Variants in CAND2 observed in about 807,000 individuals in gnomAD.
CAND2 encodes cullin associated and neddylation dissociated 2 (putative), also known as cullin-associated NEDD8-dissociated protein 2.
A neutral mutation model predicts 98.9 loss-of-function variants in CAND2; 62 were observed. The ratio of observed to expected loss-of-function variants is 0.63; its 90% CI spans 0.51 to 0.77. The LOEUF is 0.77. CAND2 is among the 30% of genes least tolerant of loss of function. The probability of loss-of-function intolerance (pLI) is 0.00; values close to 1 mark genes in which losing one functional copy is unlikely to be tolerated. For synonymous variants in CAND2, 770 were observed against 731.9 expected, an observed-to-expected ratio of 1.05 and a Z score of -0.84; for missense variants, 1,501 against 1,655.2, an observed-to-expected ratio of 0.91 and a Z score of 1.62.
At chr3:12,801,893 C>G (rs532785873) in intron 1 of CAND2, among the ~76,000 whole-genome samples, 8 of 152,348 alleles carry the variant, frequency 5.3e-5, no homozygotes, top group African/African-American at 1.9e-4. Flanking sequence ...CTGATGCTGG[C>G]TATAGCTGGA....
intron 10 of CAND2, among the ~76,000 whole-genome samples, chr3:12,818,891 G>A (rs1486293418): frequency 6.6e-6 from 1 of 152,136 alleles, no homozygotes; most frequent in Non-Finnish European, 1.5e-5. Context: ...CTTGAGAGAC[G>A]AGAGTGTTAA....
intron 1 of CAND2, among the ~76,000 whole-genome samples, 184 bp from the exon 2 acceptor site, chr3:12,803,304 A>G (rs2061780325): frequency 6.6e-6 from 1 of 152,112 alleles, no homozygotes; most frequent in Non-Finnish European, 1.5e-5. Context: ...CTCCATTATA[A>G]TCTTATGGGA....
chr3:12,808,758 A>G, intron 4 of CAND2, among the ~76,000 whole-genome samples: 1 of 152,136 alleles, frequency 6.6e-6, no homozygotes, highest in Non-Finnish European at 1.5e-5. Flanking sequence ...GTGCTGCTAG[A>G]GCTGAGCCTT....
intron 2 of CAND2, among the ~76,000 whole-genome samples, chr3:12,804,541 T>C (rs560056569): frequency 7.2e-5 from 11 of 152,284 alleles, no homozygotes; most frequent in African/African-American, 2.6e-4. Context: ...TAGATCACTG[T>C]GAGGCTGTGA....
Position 12,817,600 on chromosome 3 carries a change from G to T in CAND2, c.2668G>T (p.Ala890Ser), listed in dbSNP as rs746821713. 6.2e-7 allele frequency: 1 copy of T among 1,613,834 alleles called. No homozygotes were observed. The change falls in exon 10 of 15, where the codon GCT (alanine) becomes TCT (serine). Residue 890 changes from alanine (A) to serine (S), a missense_variant. Ala to Ser is a moderately conservative substitution (Grantham distance 99). Around this residue, in one of 3 missense-constraint regions of CAND2, gnomAD observed 1,427 missense variants for 1,545.3 expected, o/e 0.92. Coordinates refer to ENST00000456430, the MANE Select transcript of CAND2 (RefSeq NM_001162499.2). ...CTCGTATGCACTGGGCCGTGTGGGT[G>T]CTGGCAGCCTGCCCGACTTCCTGCC... ...AASYALGRVG[A>S]GSLPDFLPFL... is the part of the protein sequence containing the mutation.
intron 10 of CAND2, among the ~76,000 whole-genome samples, chr3:12,819,555 C>T (rs975578159): frequency 6.6e-6 from 1 of 152,206 alleles, no homozygotes; most frequent in East Asian, 1.9e-4. Flanking sequence ...GATCCGAGTT[C>T]TGTTAGGCCT....
rs376453132 is a variant in CAND2, at chr3:12,817,731, C to T, written c.2799C>T (p.Tyr933=). Residue 933 remains tyrosine, a synonymous_variant, in exon 10 of 15, where the codon TAC becomes TAT. Coordinates refer to ENST00000456430, the MANE Select transcript of CAND2 (RefSeq NM_001162499.2). The part of the protein sequence containing the change: ...GAAQPDSLKP[Y]AEDIWALLFQ... ...CCCAGCCTGACAGCCTGAAGCCCTA[C>T]GCCGAGGACATCTGGGCCTTGCTGT... The T allele has an allele frequency of 7.6e-6, 12 of 1,587,058 alleles. No homozygotes were observed. The highest frequency in any genetic ancestry group is 2.2e-5 in the East Asian group (1 of 44,678).
intron 10 of CAND2, among the ~76,000 whole-genome samples, chr3:12,818,278 AC>A (rs68094877): frequency 0.017 from 2,644 of 151,554 alleles, 73 homozygotes; most frequent in African/African-American, 0.061. Context: ...AAAAAACAAA[AC>A]AAAAAACCTC....
chr3:12,832,967 G>A lies in CAND2; in HGVS notation c.3484-788G>A, dbSNP rs183790246. On this transcript the variant is annotated intron_variant, in intron 14 of 14. Coordinates refer to ENST00000456430, the MANE Select transcript of CAND2 (RefSeq NM_001162499.2). ...AGAGAAGGGAGTGTGGACTTGTGTC[G>A]TTTAATCCTCTTGGCAACTCTTACG... Among the ~76,000 whole-genome samples the A allele has an allele frequency of 2.4e-4, 37 of 152,318 alleles. No homozygotes were observed. In the Middle Eastern group the frequency reaches 0.017, roughly 70 times the overall value.
chr3:12,824,967 G>A (rs1575779956), intron 11 of CAND2, among the ~76,000 whole-genome samples: 1 of 152,168 alleles, frequency 6.6e-6, no homozygotes. Flanking sequence ...ATCCTGAGAA[G>A]TGCTGGTGAC....
chr3:12,825,506 A>G lies in CAND2; in HGVS notation c.3077A>G (p.Asn1026Ser), dbSNP rs1367860910. Reference protein sequence around the residue: ...FMESLQDPDLNVRRATLAFFN... With the variant: ...FMESLQDPDLSVRRATLAFFN... The stretch of plus-strand genomic sequence containing the variant: ...GAGAGCCTGCAGGACCCAGACCTGA[A>G]CGTGCGCCGTGCGACTCTGGCTTTC... The change falls in exon 12 of 15, where the codon AAC (asparagine) becomes AGC (serine). Residue 1026 changes from asparagine (N) to serine (S), a missense_variant. Around this residue, in one of 3 missense-constraint regions of CAND2, gnomAD observed 1,427 missense variants for 1,545.3 expected, o/e 0.92. Coordinates refer to ENST00000456430, the MANE Select transcript of CAND2 (RefSeq NM_001162499.2). 2 of 1,574,636 alleles carry G rather than the reference A, an allele frequency of 1.3e-6. No individual in the cohort carries two copies. Among genetic ancestry groups the G allele is most frequent in the Non-Finnish European group, 1.7e-6 (2 of 1,159,326 alleles).
intron 13 of CAND2, among the ~76,000 whole-genome samples, chr3:12,829,882 CAGG>C (rs2062039165): frequency 2.0e-5 from 3 of 152,208 alleles, no homozygotes; most frequent in Non-Finnish European, 2.9e-5. Context: ...TCAACAGCTG[CAGG>C]AGTTCCCATT....
Position 12,834,137 on chromosome 3 carries a change from C to T in CAND2, c.*155C>T. 1.6e-6 allele frequency: 1 copy of T among 641,624 alleles called. No individual in the cohort carries two copies. The highest frequency in any genetic ancestry group is 2.7e-6 in the Non-Finnish European group (1 of 372,662). 39.7% of individuals were successfully genotyped at this position (641,624 alleles called of 1,614,324 possible). ...TGGTCAGGGCTTACAGTGCCTTCTC[C>T]AGGGACCCAACTCAAAGGCCCCCAG... is the stretch of plus-strand genomic sequence containing the variant. On this transcript the variant is annotated 3_prime_UTR_variant, in exon 15 of 15. Coordinates refer to ENST00000456430, the MANE Select transcript of CAND2 (RefSeq NM_001162499.2).
chr3:12,807,077 C>A, intron 2 of CAND2: 1 of 468,896 alleles, frequency 2.1e-6, no homozygotes, highest in Non-Finnish European at 3.8e-6. Flanking sequence ...CACTATTTGG[C>A]CATTTCCTGA....
chr3:12,828,470 T>G (rs1449697152), intron 13 of CAND2, among the ~76,000 whole-genome samples: 1 of 151,624 alleles, frequency 6.6e-6, no homozygotes, highest in Non-Finnish European at 1.5e-5. Flanking sequence ...CCCAAGTAGC[T>G]GGGACTACAG....
In CAND2 at chr3:12,815,001, C is replaced by T. The variant is rs2124851244; in HGVS notation, c.1007-140C>T. On this transcript the variant is annotated intron_variant, in intron 7 of 14. Coordinates refer to ENST00000456430, the MANE Select transcript of CAND2 (RefSeq NM_001162499.2). This position sits in a 1 kb window ranked among gnomAD's most constrained non-coding sequence, Gnocchi z 5.7. ...GCCCATTAAAAGGTAGGGAATGTTC[C>T]CCATAGGGTATCTATAAATGCTGAT... 3.9e-6 allele frequency: 3 copies of T among 776,316 alleles called. No homozygotes were observed. The East Asian group carries it at 7.9e-5, about 21-fold the overall frequency. The allele number at this position is 776,316 out of a possible 1,614,324, so 48.1% of individuals were successfully genotyped here. A position where few individuals can be genotyped will look rare whatever the true frequency, so the allele number is the denominator to read the frequency against.
chr3:12,827,912 G>T (rs1054155500), intron 13 of CAND2, among the ~76,000 whole-genome samples: 2 of 151,888 alleles, frequency 1.3e-5, no homozygotes, highest in African/African-American at 2.4e-5. Context: ...GAGCCCAGGA[G>T]GTTGAGGCTG....
intron 13 of CAND2, among the ~76,000 whole-genome samples, chr3:12,830,850 G>GA (rs2062047900): frequency 6.6e-6 from 1 of 152,146 alleles, no homozygotes; most frequent in South Asian, 2.1e-4. Context: ...TTTGCTGTGG[G>GA]GCTTAGGGGT....
chr3:12,827,549 T>C lies in CAND2; in HGVS notation c.3320T>C (p.Ile1107Thr). ...LLESCLGQLD[I>T]CEFLNHVEDG... ...GAGAGCTGCCTGGGCCAGCTGGATA[T>C]CTGTGAGTTCCTGAACCATGTGGAG... The change falls in exon 13 of 15, where the codon ATC becomes ACC. Residue 1107 changes from isoleucine (I) to threonine (T), a missense_variant. By Grantham distance (89) the Ile-to-Thr change is moderately conservative (BLOSUM62 -1). Coordinates refer to ENST00000456430, the MANE Select transcript of CAND2 (RefSeq NM_001162499.2). The C allele has an allele frequency of 1.2e-6, 2 of 1,614,016 alleles. No individual in the cohort carries two copies. The highest frequency in any genetic ancestry group is 1.1e-5 in the South Asian group (1 of 91,062).
Sources: allele counts gnomAD v4.1 joint callset (sites outside exome capture counted in the v4.1 genomes callset), GRCh38; gene constraint gnomAD v4.1.1; regional missense constraint gnomAD v4.1.1; non-coding constraint Gnocchi (gnomAD v3.1); transcripts MANE v1.5; gene names NCBI Gene and HGNC (gene_info 2026-07-23, HGNC 2026-07-21).